CA10: variants seen among roughly 807,000 people sequenced by gnomAD.
CA10 encodes the protein carbonic anhydrase-related protein 10.
Under a neutral mutation model 44.2 loss-of-function variants are expected in CA10, and 14 were observed. The observed-to-expected ratio is 0.32, with a 90% CI of 0.21 to 0.50. The LOEUF (loss-of-function observed/expected upper bound fraction) is 0.50. Among genes scored for constraint, CA10 ranks in the 20% least tolerant of loss-of-function variants. The pLI, the probability that CA10 is intolerant of heterozygous loss-of-function variation, is 0.99. For synonymous variants in CA10, 159 were observed against 141.6 expected (o/e 1.12, Z -0.87); for missense variants, 350 against 409.7 (o/e 0.85, Z 1.26).
intron 1 of CA10, among the ~76,000 whole-genome samples, chr17:52,143,219 T>C (rs2143389307): frequency 6.6e-6 from 1 of 152,322 alleles, no homozygotes; most frequent in East Asian, 1.9e-4. Context: ...TATATAATTA[T>C]TTTCACATTA....
intron 1 of CA10, among the ~76,000 whole-genome samples, chr17:52,109,270 G>A (rs1011880443): frequency 6.6e-6 from 1 of 152,150 alleles, no homozygotes; most frequent in Non-Finnish European, 1.5e-5. Flanking sequence ...GAGATTTTCG[G>A]AGAAAACATT....
At chr17:51,999,014 T>C (rs1193599139) in intron 2 of CA10, among the ~76,000 whole-genome samples, 2 of 151,952 alleles carry the variant, frequency 1.3e-5, no homozygotes, top group African/African-American at 4.8e-5. Flanking sequence ...AAATCATGGG[T>C]GGTTCTGAAT....
In CA10 at chr17:51,760,449, G is replaced by T. The variant is rs140490131; in HGVS notation, c.280-12631C>A. Among the ~76,000 whole-genome samples, 25 of 152,306 alleles carry T rather than the reference G, an allele frequency of 1.6e-4. 1 individual carries two copies. The East Asian group carries it at 4.6e-3, about 28-fold the overall frequency. On this transcript the variant is annotated intron_variant, in intron 3 of 8. Transcript: ENST00000451037. ...AGTGAGACAGGCCAGGTGTGTGACA[G>T]CAGGGAGCGGTGGAGATGGTGGCGG... is the stretch of plus-strand genomic sequence containing the variant.
chr17:51,873,230 A>G (rs1979899200), intron 3 of CA10, among the ~76,000 whole-genome samples: 1 of 152,220 alleles, frequency 6.6e-6, no homozygotes, highest in Non-Finnish European at 1.5e-5. Flanking sequence ...AGAACAAGGT[A>G]CAGAACAGAG....
chr17:51,692,466 C>A (rs1244640839), intron 4 of CA10, among the ~76,000 whole-genome samples: 2 of 150,914 alleles, frequency 1.3e-5, no homozygotes, highest in Non-Finnish European at 2.9e-5. Flanking sequence ...TTTTTAAAAC[C>A]TAAGATTATC....
At chr17:51,893,283 T>C (rs1419833338) in intron 3 of CA10, among the ~76,000 whole-genome samples, 1 of 152,086 alleles carries the variant, frequency 6.6e-6, no homozygotes, top group African/African-American at 2.4e-5. Context: ...AAATCCACGC[T>C]CTAAGTCCGA....
intron 2 of CA10, among the ~76,000 whole-genome samples, chr17:51,977,336 G>A (rs996955389): frequency 6.6e-6 from 1 of 151,422 alleles, no homozygotes; most frequent in African/African-American, 2.4e-5. Flanking sequence ...TTAAAAAAAG[G>A]TTCTATATAA....
chr17:51,789,038 C>G (rs1047568286), intron 3 of CA10, among the ~76,000 whole-genome samples: 8 of 152,058 alleles, frequency 5.3e-5, no homozygotes, highest in African/African-American at 1.9e-4. Context: ...GAGATAGAGT[C>G]TCTCTCAATC....
intron 1 of CA10, among the ~76,000 whole-genome samples, chr17:52,136,738 TAAAC>T (rs1989367887): frequency 2.6e-5 from 4 of 152,106 alleles, no homozygotes; most frequent in Admixed American, 2.6e-4. Flanking sequence ...CGTATTAACA[TAAAC>T]AATATCACTG....
At chr17:51,686,329 C>T (rs1304139226) in intron 4 of CA10, among the ~76,000 whole-genome samples, 3 of 152,158 alleles carry the variant, frequency 2.0e-5, no homozygotes, top group Non-Finnish European at 4.4e-5. Flanking sequence ...TTATTAGCAG[C>T]ATAAGAACAG....
intron 2 of CA10, among the ~76,000 whole-genome samples, chr17:51,934,177 T>C (rs1270075589): frequency 2.0e-5 from 3 of 152,094 alleles, no homozygotes; most frequent in African/African-American, 7.2e-5. Flanking sequence ...CAGCTATGAA[T>C]TAATAGCTTT....
In CA10 at chr17:51,633,567, T is replaced by A. The variant is rs769492723; in HGVS notation, c.873A>T (p.Pro291=). 1.9e-6 allele frequency: 3 copies of A among 1,614,010 alleles called. No homozygotes were observed. In the Admixed American group the frequency reaches 5.0e-5, roughly 27 times the overall value. ...TGGTGCGGATGCAGCGGTTGTTGAG[T>A]GGCTGGACAGGCCTGAAGTTGTCAC... ...SMSDNFRPVQ[P]LNNRCIRTNI... Residue 291 remains proline, a synonymous_variant, in exon 8 of 9, where the codon CCA becomes CCT. Coordinates refer to ENST00000451037, the MANE Select transcript of CA10 (RefSeq NM_020178.5).
chr17:51,887,246 T>A (rs1289993581), intron 3 of CA10, among the ~76,000 whole-genome samples: 1 of 151,646 alleles, frequency 6.6e-6, no homozygotes, highest in African/African-American at 2.4e-5. Flanking sequence ...AGGGTCTTCT[T>A]AAATACCCCC....
intron 2 of CA10, among the ~76,000 whole-genome samples, chr17:52,063,584 G>A (rs185234989): frequency 6.6e-6 from 1 of 152,082 alleles, no homozygotes; most frequent in Non-Finnish European, 1.5e-5. Context: ...GTTCCTGTAA[G>A]AGCTTGTTAA....
chr17:52,121,204 C>T (rs1287872172), intron 1 of CA10, among the ~76,000 whole-genome samples: 2 of 152,178 alleles, frequency 1.3e-5, no homozygotes, highest in African/African-American at 2.4e-5. Context: ...CTCTTGCAGA[C>T]GTTATGGCAA....
At chr17:51,797,955 C>T (rs535452601) in intron 3 of CA10, among the ~76,000 whole-genome samples, 1 of 150,852 alleles carries the variant, frequency 6.6e-6, no homozygotes, top group East Asian at 2.0e-4. Context: ...GATCACAGTT[C>T]AAATATCCAC....
intron 4 of CA10, among the ~76,000 whole-genome samples, chr17:51,735,393 GA>G (rs1432856304): frequency 5.9e-5 from 9 of 152,236 alleles, no homozygotes; most frequent in African/African-American, 2.2e-4. Context: ...GGGGCAGGGA[GA>G]GAGGGAAGCA....
chr17:51,731,354 C>T (rs560286756), intron 4 of CA10, among the ~76,000 whole-genome samples: 10 of 151,990 alleles, frequency 6.6e-5, no homozygotes, highest in South Asian at 4.2e-4. Context: ...TCCAGCCTGG[C>T]GACAGGACGA....
chr17:51,863,864 G>A (rs1370830426), intron 3 of CA10, among the ~76,000 whole-genome samples: 1 of 152,106 alleles, frequency 6.6e-6, no homozygotes, highest in Non-Finnish European at 1.5e-5. Context: ...ATACTTATAG[G>A]ACTGCCAACC....
Sources: gnomAD v4.1 joint callset for allele counts (sites outside exome capture counted in the v4.1 genomes callset) on GRCh38, gnomAD v4.1.1 for gene constraint, MANE v1.5 for transcripts, NCBI Gene and HGNC (gene_info 2026-07-23, HGNC 2026-07-21) for gene names.